Variants in INPP5D observed in about 807,000 individuals in gnomAD.
INPP5D encodes the protein inositol polyphosphate-5-phosphatase D.
A neutral mutation model predicts 122.9 loss-of-function variants in INPP5D; 33 were observed. The observed-to-expected ratio is 0.27, with a 90% CI of 0.20 to 0.36. The LOEUF (loss-of-function observed/expected upper bound fraction) is 0.36, where lower values mean the gene tolerates loss of function less well. Among genes scored for constraint, INPP5D ranks in the 10% least tolerant of loss-of-function variants. INPP5D has a pLI of 1.00. For missense variants in INPP5D, 1,053 were observed against 1,412.7 expected (o/e 0.75, Z 4.08); for synonymous variants, 584 against 576.2 (o/e 1.01, Z -0.19).
At chr2:233,172,268 G>A (rs1694508870) in intron 17 of INPP5D, among the ~76,000 whole-genome samples, 1 of 152,190 alleles carries the variant, frequency 6.6e-6, no homozygotes, top group Non-Finnish European at 1.5e-5. Flanking sequence ...TGAGGCAGAG[G>A]AGGGCCTGAG....
intron 1 of INPP5D, among the ~76,000 whole-genome samples, chr2:233,068,178 G>A (rs1045270035): frequency 6.6e-6 from 1 of 151,986 alleles, no homozygotes; most frequent in African/African-American, 2.4e-5. Flanking sequence ...CCAGCTACTC[G>A]AGAGGCTGAG....
In INPP5D at chr2:233,123,355, G is replaced by A. The variant is rs187988396; in HGVS notation, c.349+1098G>A. On this transcript the variant is annotated intron_variant, in intron 3 of 26. Coordinates refer to ENST00000445964, the MANE Select transcript of INPP5D (RefSeq NM_001017915.3). ...TGTAGTTCCAGCTACTTGGGAGGCT[G>A]AGGCAGAAGAATCGCTTGAACCCAG... 1.9e-3 allele frequency among the ~76,000 whole-genome samples: 282 copies of A among 151,950 alleles called. 1 individual carries two copies. Among genetic ancestry groups the A allele is most frequent in the African/African-American group, 6.4e-3 (265 of 41,438 alleles).
intron 6 of INPP5D, chr2:233,140,201 A>G (rs1461240333): frequency 2.2e-5 from 5 of 229,236 alleles, no homozygotes; most frequent in Admixed American, 5.7e-5. Flanking sequence ...TAAGGGGGTA[A>G]GCAGGGCCTG....
At chr2:233,087,678 A>G (rs1409031040) in intron 2 of INPP5D, among the ~76,000 whole-genome samples, 1 of 152,200 alleles carries the variant, frequency 6.6e-6, no homozygotes, top group Non-Finnish European at 1.5e-5. Context: ...CATCTATACT[A>G]GAACTATTCC....
intron 11 of INPP5D, among the ~76,000 whole-genome samples, chr2:233,162,208 G>A (rs771469349): frequency 2.7e-5 from 4 of 149,536 alleles, no homozygotes; most frequent in Non-Finnish European, 6.0e-5. Context: ...ACCCTGAGTA[G>A]GGTTGCCAGA....
At chr2:233,088,404 G>A (rs560278557) in intron 2 of INPP5D, among the ~76,000 whole-genome samples, 14 of 152,206 alleles carry the variant, frequency 9.2e-5, no homozygotes, top group African/African-American at 2.9e-4. Context: ...GCCTTTTGAC[G>A]TCCACGTGAG....
intron 14 of INPP5D, 136 bp downstream of exon 14, chr2:233,169,537 AC>A: frequency 7.4e-7 from 1 of 1,353,078 alleles, no homozygotes; most frequent in Non-Finnish European, 1.0e-6. Context: ...TTCAGGGCCC[AC>A]CACAGTCTCA....
intron 10 of INPP5D, among the ~76,000 whole-genome samples, chr2:233,158,658 G>A (rs970225979): frequency 5.3e-5 from 8 of 152,118 alleles, no homozygotes; most frequent in African/African-American, 1.4e-4. Flanking sequence ...CTGCCTCCCA[G>A]CCTCGAGGCC....
At chr2:233,115,277 AC>A (rs369260393) in intron 2 of INPP5D, among the ~76,000 whole-genome samples, 8 of 152,116 alleles carry the variant, frequency 5.3e-5, no homozygotes, top group Admixed American at 1.3e-4. Context: ...GGTTCCTAGC[AC>A]CCCGGGGCTC....
At chr2:233,186,644 A>C (rs1333144773) in intron 21 of INPP5D, among the ~76,000 whole-genome samples, 5 of 146,472 alleles carry the variant, frequency 3.4e-5, no homozygotes, top group Non-Finnish European at 6.0e-5. Context: ...TCTACCAAAA[A>C]AAAATTTTTT....
chr2:233,098,770 G>A (rs1420299594), intron 2 of INPP5D, among the ~76,000 whole-genome samples: 2 of 152,148 alleles, frequency 1.3e-5, no homozygotes, highest in African/African-American at 4.8e-5. Context: ...GGCCTGCAGA[G>A]TGGACTGACC....
chr2:233,165,149 G>C (rs924456394), intron 13 of INPP5D, among the ~76,000 whole-genome samples: 2 of 152,158 alleles, frequency 1.3e-5, no homozygotes, highest in Non-Finnish European at 2.9e-5. Flanking sequence ...GTGCATGTGA[G>C]TGTGTGAGCC....
chr2:233,066,731 T>C (rs1275915240), intron 1 of INPP5D, among the ~76,000 whole-genome samples: 2 of 151,856 alleles, frequency 1.3e-5, no homozygotes, highest in Admixed American at 6.6e-5. Flanking sequence ...CTCAGGCTCC[T>C]GAGTAGCTGG....
chr2:233,171,197 C>A (rs770246343), intron 17 of INPP5D, 45 bp downstream of exon 17: 2 of 1,600,322 alleles, frequency 1.2e-6, no homozygotes, highest in South Asian at 1.1e-5. Flanking sequence ...CATCTCCTCC[C>A]CGCTGGTGTC....
chr2:233,178,780 G>A (rs1559337395), intron 18 of INPP5D, among the ~76,000 whole-genome samples: 1 of 152,174 alleles, frequency 6.6e-6, no homozygotes, highest in Non-Finnish European at 1.5e-5. Flanking sequence ...CACTGCGCCA[G>A]GCCCAGTGGT....
chr2:233,180,464 A>G (rs559697574), intron 18 of INPP5D, among the ~76,000 whole-genome samples: 43 of 150,578 alleles, frequency 2.9e-4, no homozygotes, highest in African/African-American at 1.0e-3. Context: ...CTGACTCCCC[A>G]CCTCCATCCT....
intron 2 of INPP5D, among the ~76,000 whole-genome samples, chr2:233,097,574 T>C (rs919732530): frequency 6.6e-6 from 1 of 152,228 alleles, no homozygotes; most frequent in Non-Finnish European, 1.5e-5. Flanking sequence ...TTTAATTACC[T>C]TTGCAAACAG....
intron 2 of INPP5D, among the ~76,000 whole-genome samples, chr2:233,086,820 A>G (rs1312830357): frequency 1.3e-5 from 2 of 152,188 alleles, no homozygotes; most frequent in Non-Finnish European, 2.9e-5. Flanking sequence ...TTCAAATTGA[A>G]TATCGAGTTT....
chr2:233,170,905 CAAAAA>C lies in INPP5D; in HGVS notation c.1901-144_1901-140del, dbSNP rs546215336. The stretch of plus-strand genomic sequence containing the variant: ...TGGCCAACAAAGACAGACTCCGTCT[CAAAAA>C]AAAAAAAAAAAAAAGCAGCAGCCTC... On this transcript the variant is annotated intron_variant, in intron 16 of 26. Transcript: ENST00000445964. This position sits in a 1 kb window ranked among gnomAD's most constrained non-coding sequence, Gnocchi z 4.5. Among the ~76,000 whole-genome samples the C allele has an allele frequency of 9.1e-6, 1 of 109,660 alleles. No homozygotes were observed. Among genetic ancestry groups the C allele is most frequent in the Non-Finnish European group, 1.8e-5 (1 of 54,292 alleles). The allele number at this position is 109,660 out of a possible 152,430, so 71.9% of individuals were successfully genotyped here. A position where few individuals can be genotyped will look rare whatever the true frequency, so the allele number is the denominator to read the frequency against.
Sources: gnomAD v4.1 joint callset for allele counts (sites outside exome capture counted in the v4.1 genomes callset) on GRCh38, gnomAD v4.1.1 for gene constraint, Gnocchi (gnomAD v3.1) non-coding constraint, MANE v1.5 for transcripts, NCBI Gene and HGNC (gene_info 2026-07-23, HGNC 2026-07-21) for gene names.